The following PCDHA1 variants were observed in gnomAD, a reference collection of about 807,000 sequenced individuals.
PCDHA1 encodes the protein protocadherin alpha-1.
In PCDHA1, 42 loss-of-function variants were observed where a neutral mutation model predicts 61.3. The ratio of observed to expected loss-of-function variants is 0.69; its 90% CI spans 0.54 to 0.89. The LOEUF (loss-of-function observed/expected upper bound fraction) is 0.89, where lower values mean the gene tolerates loss of function less well. Ranked by LOEUF, PCDHA1 falls within the 40% of genes least tolerant of loss-of-function variation. The pLI is 0.00. For synonymous variants in PCDHA1, 610 were observed against 553.8 expected (o/e 1.10, Z -1.43); for missense variants, 1,256 against 1,235.3 (o/e 1.02, Z -0.25).
intron 1 of PCDHA1, among the ~76,000 whole-genome samples, chr5:140,922,088 T>C (rs1361534405): frequency 6.6e-6 from 1 of 152,184 alleles, no homozygotes; most frequent in Non-Finnish European, 1.5e-5. Context: ...AAGTGGTATT[T>C]CTACCAACTA....
intron 1 of PCDHA1, chr5:140,877,329 C>T: frequency 6.2e-7 from 1 of 1,614,012 alleles, no homozygotes; most frequent in South Asian, 1.1e-5. Flanking sequence ...TCGGCGCGCA[C>T]ATCCCGTTCC....
intron 1 of PCDHA1, chr5:140,803,975 G>T: frequency 3.2e-6 from 1 of 309,262 alleles, no homozygotes; most frequent in South Asian, 4.7e-5. Flanking sequence ...CTTTTCATTT[G>T]GACTTCCTAC....
chr5:140,989,925 T>G (rs2097366658), intron 3 of PCDHA1, among the ~76,000 whole-genome samples: 1 of 151,810 alleles, frequency 6.6e-6, no homozygotes, highest in South Asian at 2.1e-4. Context: ...AGAGCAGAGA[T>G]AGATGACATT....
chr5:140,832,198 T>G (rs1771866666), intron 1 of PCDHA1, among the ~76,000 whole-genome samples: 1 of 152,250 alleles, frequency 6.6e-6, no homozygotes, highest in Non-Finnish European at 1.5e-5. Context: ...TTTAACCTGC[T>G]GAGTCCTCAG....
intron 1 of PCDHA1, chr5:140,862,793 A>G: frequency 1.7e-6 from 1 of 576,706 alleles, no homozygotes; most frequent in Non-Finnish European, 3.3e-6. Flanking sequence ...GACTACGAGG[A>G]GCTGGAGCTG....
In PCDHA1 at chr5:140,952,512, CATCT is replaced by C. The variant is rs2094757607; in HGVS notation, c.2395-26436_2395-26433del. ...CAGTCCTCAGTAAGTTCCTCATCTC[CATCT>C]GAGACCTCCTCAGACTGGACTTCTT... On this transcript the variant is annotated intron_variant, in intron 1 of 3. Coordinates refer to ENST00000504120, the MANE Select transcript of PCDHA1 (RefSeq NM_018900.4). 2.0e-5 allele frequency among the ~76,000 whole-genome samples: 3 copies of C among 152,242 alleles called. No individual in the cohort carries two copies. The South Asian group carries it at 6.2e-4, about 32-fold the overall frequency.
At chr5:140,895,898 G>A (rs1023440863) in intron 1 of PCDHA1, among the ~76,000 whole-genome samples, 2 of 152,016 alleles carry the variant, frequency 1.3e-5, no homozygotes, top group South Asian at 4.1e-4. Flanking sequence ...TGCAACCTCC[G>A]CGTCCCGGGC....
Position 140,884,687 on chromosome 5 carries a change from T to C in PCDHA1, c.2395-94262T>C, listed in dbSNP as rs782253030. The C allele has an allele frequency of 4.6e-6, 7 of 1,538,230 alleles. No homozygotes were observed. In the South Asian group the frequency reaches 8.8e-5, roughly 19 times the overall value. On this transcript the variant is annotated intron_variant, in intron 1 of 3. Coordinates refer to ENST00000504120, the MANE Select transcript of PCDHA1 (RefSeq NM_018900.4). ...GGTAAGCTTATATTTTAAAAAATTGTCTTAGTAAACACTTTAGCCTTCCTT... is the reference window on the plus strand; with the variant it reads ...GGTAAGCTTATATTTTAAAAAATTGCCTTAGTAAACACTTTAGCCTTCCTT...
chr5:140,850,943 T>G lies in PCDHA1; in HGVS notation c.2394+62259T>G, dbSNP rs2150503194. On this transcript the variant is annotated intron_variant, in intron 1 of 3. Coordinates refer to ENST00000504120, the MANE Select transcript of PCDHA1 (RefSeq NM_018900.4). The stretch of plus-strand genomic sequence containing the variant: ...ATATAATTTTTTTTCTTGAAAGATA[T>G]TATCGATTACTCCCAGGGGCCGTTC... 7.3e-6 allele frequency: 11 copies of G among 1,506,780 alleles called. 2 individuals are homozygous for G. Among genetic ancestry groups the G allele is most frequent in the Non-Finnish European group, 8.9e-6 (10 of 1,121,750 alleles). The allele number at this position is 1,506,780 out of a possible 1,614,324, so 93.3% of individuals were successfully genotyped here.
intron 1 of PCDHA1, chr5:140,821,762 G>A: frequency 6.3e-7 from 1 of 1,588,934 alleles, no homozygotes; most frequent in African/African-American, 1.3e-5. Context: ...GCTCATAATT[G>A]GAACGAGATT....
chr5:140,976,303 C>A (rs1458121600), intron 1 of PCDHA1, among the ~76,000 whole-genome samples: 10 of 152,090 alleles, frequency 6.6e-5, no homozygotes, highest in Non-Finnish European at 1.3e-4. Flanking sequence ...GTAATCCCAG[C>A]ACTTTGGGAG....
rs202126810 is a variant in PCDHA1 at position 140,842,731 on chromosome 5, G to T, written c.2394+54047G>T. ...TGTTCGTGAAGGAGAACAACCCGCC[G>T]GGCTGCCACATCTTCACGGTGTCTG... On this transcript the variant is annotated intron_variant, in intron 1 of 3. Transcript: ENST00000504120. 3.1e-5 allele frequency: 49 copies of T among 1,594,938 alleles called. 4 individuals are homozygous for T. Among genetic ancestry groups the T allele is most frequent in the Non-Finnish European group, 4.1e-5 (48 of 1,165,464 alleles).
At chr5:140,796,109 A>C (rs1762036007) in intron 1 of PCDHA1, 1 of 1,614,072 alleles carries the variant, frequency 6.2e-7, no homozygotes, top group Non-Finnish European at 8.5e-7. Context: ...TCTGGTACGA[A>C]TGGACATGTC....
At chr5:140,821,904 C>A (rs1360851482) in intron 1 of PCDHA1, 2 of 1,614,102 alleles carry the variant, frequency 1.2e-6, no homozygotes, top group Non-Finnish European at 1.7e-6. Context: ...ACGGAACCTT[C>A]GTTGGCCGCA....
chr5:140,903,317 A>G (rs1364222131), intron 1 of PCDHA1, among the ~76,000 whole-genome samples: 1 of 152,204 alleles, frequency 6.6e-6, no homozygotes, highest in African/African-American at 2.4e-5. Context: ...TAAAGACAGC[A>G]TTTTTATTGA....
intron 1 of PCDHA1, among the ~76,000 whole-genome samples, chr5:140,888,848 CAG>C (rs1554183676): frequency 6.6e-6 from 1 of 151,980 alleles, no homozygotes; most frequent in African/African-American, 2.4e-5. Context: ...AGCCTGGTGA[CAG>C]AGTGAGACCA....
chr5:140,863,405 C>A (rs1554158176), intron 1 of PCDHA1: 1 of 799,642 alleles, frequency 1.3e-6, no homozygotes, highest in East Asian at 4.2e-5. Flanking sequence ...GGCAAGCCCA[C>A]GCTGGTGTAC....
chr5:140,883,147 T>C, intron 1 of PCDHA1: 2 of 1,614,064 alleles, frequency 1.2e-6, no homozygotes, highest in Non-Finnish European at 1.7e-6. Context: ...TATATGCATT[T>C]ACCATAAATC....
At chr5:140,951,448 G>A (rs892144078) in intron 1 of PCDHA1, among the ~76,000 whole-genome samples, 74 of 152,022 alleles carry the variant, frequency 4.9e-4, no homozygotes, top group African/African-American at 1.7e-3. Context: ...GCATGATGCC[G>A]GCCATCTGCT....
Sources: gnomAD v4.1 joint callset for allele counts (sites outside exome capture counted in the v4.1 genomes callset) on GRCh38, gnomAD v4.1.1 for gene constraint, MANE v1.5 for transcripts, NCBI Gene and HGNC (gene_info 2026-07-23, HGNC 2026-07-21) for gene names.